The following CXADR variants were observed in gnomAD, a reference collection of about 807,000 sequenced individuals.
CXADR encodes the protein coxsackievirus and adenovirus receptor.
CXADR carries 20 observed loss-of-function variants against 40.3 expected under a neutral mutation model. The ratio of observed to expected loss-of-function variants is 0.50; its 90% CI spans 0.35 to 0.72. The LOEUF (loss-of-function observed/expected upper bound fraction) is 0.72. Ranked by LOEUF, CXADR falls within the 30% of genes least tolerant of loss-of-function variation. The pLI is 0.01. For synonymous variants in CXADR, 150 were observed against 161.3 expected (o/e 0.93, Z 0.53); for missense variants, 332 against 449.1 (o/e 0.74, Z 2.36).
chr21:17,550,377 T>C lies in CXADR; in HGVS notation c.211-1372T>C, dbSNP rs36116142. 8.2e-3 allele frequency among the ~76,000 whole-genome samples: 1,132 copies of C among 138,380 alleles called. 12 individuals are homozygous for C. Among genetic ancestry groups the C allele is most frequent in the South Asian group, 0.029 (125 of 4,298 alleles). The allele number at this position is 138,380 out of a possible 152,430, so 90.8% of individuals were successfully genotyped here. ...AAAAAAAAAAAAAAAAGATCTTTGG[T>C]GGGTTGGGGTGGGGTCAGTGTGGTT... On this transcript the variant is annotated intron_variant, in intron 2 of 6. Coordinates refer to ENST00000284878, the MANE Select transcript of CXADR (RefSeq NM_001338.5).
chr21:17,635,064 G>T, the CXADR span, among the ~76,000 whole-genome samples: 1 of 152,220 alleles, frequency 6.6e-6, no homozygotes, highest in Non-Finnish European at 1.5e-5. Context: ...ATGGATGGAA[G>T]TTGTAACAAA....
At chr21:17,629,319 G>A in the CXADR span, among the ~76,000 whole-genome samples, 1 of 149,950 alleles carries the variant, frequency 6.7e-6, no homozygotes, top group African/African-American at 2.5e-5. Context: ...GGCGGAGAGT[G>A]CAGTGAGCCA....
chr21:17,557,303 A>G (rs1215998890), intron 3 of CXADR, among the ~76,000 whole-genome samples: 6 of 152,094 alleles, frequency 3.9e-5, no homozygotes, highest in Non-Finnish European at 8.8e-5. Context: ...TTCTCTACCC[A>G]TCCTTTACTG....
Position 17,567,584 on chromosome 21 carries a change from A to C in CXADR, c.*1892A>C. ...TTTCTGTTCTTTGTGGATATAACTT[A>C]AGCAATTGTGTTATTCATAAAGGTT... On this transcript the variant is annotated 3_prime_UTR_variant, in exon 7 of 7. Transcript: ENST00000284878. 2 of 984,920 alleles carry C rather than the reference A, an allele frequency of 2.0e-6. No homozygotes were observed. The highest frequency in any genetic ancestry group is 2.4e-6 in the Non-Finnish European group (2 of 829,472). 61.0% of individuals were successfully genotyped at this position (984,920 alleles called of 1,614,324 possible). A position where few individuals can be genotyped will look rare whatever the true frequency, so the allele number is the denominator to read the frequency against.
the CXADR span, among the ~76,000 whole-genome samples, chr21:17,601,144 CAG>C: frequency 6.7e-6 from 1 of 149,552 alleles, no homozygotes; most frequent in Non-Finnish European, 1.5e-5. Flanking sequence ...GCCTGGGCGA[CAG>C]AGTGAGACTC....
chr21:17,522,392 C>T (rs1408202594), intron 1 of CXADR, among the ~76,000 whole-genome samples: 1 of 152,128 alleles, frequency 6.6e-6, no homozygotes, highest in Non-Finnish European at 1.5e-5. Flanking sequence ...AGGTGATCCG[C>T]CCGCCTCGGC....
chr21:17,573,495 C>T (rs922440519), downstream of CXADR, among the ~76,000 whole-genome samples: 2 of 152,122 alleles, frequency 1.3e-5, no homozygotes, highest in Admixed American at 6.5e-5. Context: ...ATAACTATGC[C>T]AACATAGTTA....
At chr21:17,619,481 CA>C in the CXADR span, among the ~76,000 whole-genome samples, 15 of 152,084 alleles carry the variant, frequency 9.9e-5, no homozygotes, top group Middle Eastern at 3.4e-3. Flanking sequence ...CCCAGCTACA[CA>C]GGGGGCTGAG....
At position 17,546,962 on chromosome 21, in the gene CXADR, C is replaced by T. The variant is rs2073426; in HGVS notation, c.44-65C>T. The T allele has an allele frequency of 6.5e-3, 10,202 of 1,572,682 alleles. 646 individuals carry two copies. In the East Asian group the frequency reaches 0.16, roughly 25 times the overall value. ...TCAATGTGCTGCTTCTGAATGGCTG[C>T]GGGGCACTGTGTGGGCTGTCAGCGT... On this transcript the variant is annotated intron_variant, in intron 1 of 6. Transcript: ENST00000284878.
At chr21:17,573,301 T>C (rs1214282316), downstream of CXADR, among the ~76,000 whole-genome samples, 2 of 152,180 alleles carry the variant, frequency 1.3e-5, no homozygotes, top group Admixed American at 6.5e-5. Flanking sequence ...TCTGAGATTC[T>C]AGGGAATCTG....
intron 7 of CXADR, among the ~76,000 whole-genome samples, chr21:17,592,824 GTCTC>G (rs1196586698): frequency 6.6e-6 from 1 of 151,804 alleles, no homozygotes; most frequent in African/African-American, 2.4e-5. Flanking sequence ...AGCTAGAAAA[GTCTC>G]TAAGGTTTAA....
intron 6 of CXADR, among the ~76,000 whole-genome samples, chr21:17,564,620 T>TA (rs1359723973): frequency 6.6e-6 from 1 of 152,138 alleles, no homozygotes; most frequent in African/African-American, 2.4e-5. Flanking sequence ...TGAAAATTCT[T>TA]ATGCCTAAAT....
At chr21:17,526,937 G>A (rs1295469461) in intron 1 of CXADR, among the ~76,000 whole-genome samples, 1 of 152,128 alleles carries the variant, frequency 6.6e-6, no homozygotes, top group Non-Finnish European at 1.5e-5. Flanking sequence ...GGAGGCAAAG[G>A]AAGATTTCCT....
intron 7 of CXADR, among the ~76,000 whole-genome samples, chr21:17,592,286 C>A (rs1047109215): frequency 6.6e-6 from 1 of 151,926 alleles, no homozygotes; most frequent in Non-Finnish European, 1.5e-5. Context: ...ATACCAAAAT[C>A]CTCAGATGCT....
intron 3 of CXADR, among the ~76,000 whole-genome samples, chr21:17,553,226 C>G (rs994340659): frequency 6.6e-6 from 1 of 152,162 alleles, no homozygotes; most frequent in African/African-American, 2.4e-5. Context: ...GAGCAATGTT[C>G]AAGATGACTT....
In CXADR at chr21:17,569,703, C is replaced by T. The variant is rs1026819998; in HGVS notation, c.*4011C>T. On this transcript the variant is annotated 3_prime_UTR_variant, in exon 7 of 7. Coordinates refer to ENST00000284878, the MANE Select transcript of CXADR (RefSeq NM_001338.5). Reference sequence around the variant, plus strand: ...ATTATGGTTAACTTTTATAATTTATCTTATTTTATAATTTAAGAATATAGT... The same window carrying T: ...ATTATGGTTAACTTTTATAATTTATTTTATTTTATAATTTAAGAATATAGT... The T allele has an allele frequency of 1.0e-6, 1 of 965,296 alleles. No homozygotes were observed. Among genetic ancestry groups the T allele is most frequent in the Non-Finnish European group, 1.2e-6 (1 of 811,854 alleles). 59.8% of individuals were successfully genotyped at this position (965,296 alleles called of 1,614,324 possible). A position where few individuals can be genotyped will look rare whatever the true frequency, so the allele number is the denominator to read the frequency against.
At chr21:17,610,394 G>C in the CXADR span, among the ~76,000 whole-genome samples, 1 of 151,898 alleles carries the variant, frequency 6.6e-6, no homozygotes, top group African/African-American at 2.4e-5. Context: ...TACTCTTTCA[G>C]GAAGAGAGAT....
intron 7 of CXADR, among the ~76,000 whole-genome samples, chr21:17,579,290 C>CTTT (rs60312076): frequency 1.8e-5 from 2 of 108,340 alleles, no homozygotes; most frequent in East Asian, 2.2e-4. Context: ...CTTCTCTTTT[C>CTTT]TTTTTTTTTT....
the CXADR span, among the ~76,000 whole-genome samples, chr21:17,617,509 T>C: frequency 6.6e-6 from 1 of 152,206 alleles, no homozygotes; most frequent in Non-Finnish European, 1.5e-5. Flanking sequence ...CTCGGAGATA[T>C]TGCGAGTTCA....
Sources: allele counts gnomAD v4.1 joint callset (sites outside exome capture counted in the v4.1 genomes callset), GRCh38; gene constraint gnomAD v4.1.1; transcripts MANE v1.5; gene names NCBI Gene and HGNC (gene_info 2026-07-23, HGNC 2026-07-21).